Variants in HPS5 observed in about 807,000 individuals in gnomAD.
HPS5 encodes BLOC-2 complex member HPS5.
HPS5 carries 83 observed loss-of-function variants against 128.0 expected under a neutral mutation model. The observed-to-expected ratio is 0.65, with a 90% CI of 0.54 to 0.78. The LOEUF is 0.78. Ranked by LOEUF, HPS5 falls within the 30% of genes least tolerant of loss-of-function variation. HPS5 has a pLI of 0.00. For missense variants in HPS5, 1,281 were observed against 1,326.2 expected (o/e 0.97, Z 0.53); for synonymous variants, 475 against 470.2 (o/e 1.01, Z -0.13).
intron 2 of HPS5, among the ~76,000 whole-genome samples, chr11:18,315,164 C>G (rs549049901): frequency 2.6e-4 from 40 of 152,314 alleles, no homozygotes; most frequent in Admixed American, 7.2e-4. Context: ...TGGGGCTCAG[C>G]AACCAATACC....
chr11:18,291,104 GC>G (rs1860348741), intron 16 of HPS5, among the ~76,000 whole-genome samples: 1 of 152,154 alleles, frequency 6.6e-6, no homozygotes, highest in African/African-American at 2.4e-5. Context: ...TGCAGTCCCA[GC>G]TACTTGGGAG....
Position 18,299,180 on chromosome 11 carries a change from A to T in HPS5, c.986-210T>A, listed in dbSNP as rs538084183. Reference sequence around the variant, plus strand: ...TCAAGAATAAAAGATGTGAAGAAAGAACTATATCTCTCTGACCTAAAGTCT... The same window carrying T: ...TCAAGAATAAAAGATGTGAAGAAAGTACTATATCTCTCTGACCTAAAGTCT... On this transcript the variant is annotated intron_variant, in intron 9 of 22. Transcript: ENST00000349215. Among the ~76,000 whole-genome samples the T allele has an allele frequency of 3.3e-5, 5 of 152,350 alleles. No individual in the cohort carries two copies. In the South Asian group the frequency reaches 1.0e-3, roughly 32 times the overall value.
At chr11:18,311,657 C>T (rs1216404251) in intron 3 of HPS5, 10 of 552,058 alleles carry the variant, frequency 1.8e-5, no homozygotes, top group Non-Finnish European at 3.2e-5. Context: ...ATTACAGGCA[C>T]TCACCACCAC....
chr11:18,321,306 C>T (rs1231468980), intron 1 of HPS5, among the ~76,000 whole-genome samples: 2 of 152,084 alleles, frequency 1.3e-5, no homozygotes, highest in Non-Finnish European at 2.9e-5. Context: ...CTTTTTCATT[C>T]CATAAACTTG....
At chr11:18,313,843 A>G (rs7129995) in intron 2 of HPS5, among the ~76,000 whole-genome samples, 109,336 of 150,338 alleles carry the variant, frequency 0.73, 40,141 homozygotes, top group East Asian at 0.97. Context: ...GAACCCAGGA[A>G]GTGGAGGTTG....
chr11:18,311,792 T>G, intron 3 of HPS5, 122 bp downstream of exon 3: 25 of 825,282 alleles, frequency 3.0e-5, no homozygotes, highest in Non-Finnish European at 5.0e-5. Context: ...ATTACAGGCG[T>G]GAGACACCGC....
chr11:18,294,699 A>G (rs892610556), intron 14 of HPS5, among the ~76,000 whole-genome samples: 4 of 152,208 alleles, frequency 2.6e-5, no homozygotes, highest in Admixed American at 6.5e-5. Context: ...ATGCAGACAT[A>G]CATGTGCCTT....
At chr11:18,288,220 G>A (rs1475823414) in intron 16 of HPS5, among the ~76,000 whole-genome samples, 2 of 152,132 alleles carry the variant, frequency 1.3e-5, no homozygotes, top group African/African-American at 2.4e-5. Flanking sequence ...ATCTAATTGG[G>A]AGGCAAAGCA....
chr11:18,291,809 T>C lies in HPS5; in HGVS notation c.2073A>G (p.Glu691=). ...CTTCATTGCCTAAAGAGTCCCTTTT[T>C]TCTTTTTCATTATCTTCATCTAATA... ...KGILDEDNEK[E]KRDSLGNEES... Residue 691 remains glutamate, a synonymous_variant, in exon 16 of 23, where the codon GAA becomes GAG. Coordinates refer to ENST00000349215, the MANE Select transcript of HPS5 (RefSeq NM_181507.2). 2 of 1,613,434 alleles carry C rather than the reference T, an allele frequency of 1.2e-6. No homozygotes were observed. Among genetic ancestry groups the C allele is most frequent in the Non-Finnish European group, 1.7e-6 (2 of 1,179,706 alleles).
In HPS5 at chr11:18,293,107, C is replaced by A. The variant is rs1005966927; in HGVS notation, c.1785-131G>T. 1.9e-5 allele frequency: 14 copies of A among 738,812 alleles called. No individual in the cohort carries two copies. In the Admixed American group the frequency reaches 2.5e-4, roughly 13 times the overall value. 45.8% of individuals were successfully genotyped at this position (738,812 alleles called of 1,614,324 possible). The stretch of plus-strand genomic sequence containing the variant: ...CGTGATCTCGGTTCATTGCAACCTC[C>A]GCCTCCCGGGTTCAAGCAATTCTCC... On this transcript the variant is annotated intron_variant, in intron 14 of 22. Transcript: ENST00000349215.
intron 21 of HPS5, among the ~76,000 whole-genome samples, chr11:18,283,188 G>C (rs191604107): frequency 1.4e-4 from 22 of 152,056 alleles, no homozygotes; most frequent in Admixed American, 1.0e-3. Context: ...TTTTAGTAGA[G>C]ATGGGGTTTC....
At position 18,283,873 on chromosome 11, in the gene HPS5, A is replaced by G. The variant is rs1373006181; in HGVS notation, c.2980T>C (p.Leu994=). Residue 994 remains leucine (L), a synonymous_variant, in exon 21 of 23, where the codon TTG becomes CTG. Coordinates refer to ENST00000349215, the MANE Select transcript of HPS5 (RefSeq NM_181507.2). The stretch of plus-strand genomic sequence containing the variant: ...GCCTCTCTTCTTCTCTCCAGCTCCA[A>G]ACAGAGAATTAGATATCCAGGCCAG... The part of the protein sequence containing the change: ...GFWPGYLILC[L]ELERRREAFT... 1.2e-6 allele frequency: 2 copies of G among 1,613,152 alleles called. No individual in the cohort carries two copies. Among genetic ancestry groups the G allele is most frequent in the Non-Finnish European group, 1.7e-6 (2 of 1,179,436 alleles).
Position 18,291,863 on chromosome 11 carries a change from C to G in HPS5, c.2019G>C (p.Val673=). 1 of 1,608,780 alleles carries G rather than the reference C, an allele frequency of 6.2e-7. No individual in the cohort carries two copies. The highest frequency in any genetic ancestry group is 8.5e-7 in the Non-Finnish European group (1 of 1,177,266). The change falls in exon 16 of 23, where the codon GTG becomes GTC. Residue 673 remains valine (V), a synonymous_variant. Coordinates refer to ENST00000349215, the MANE Select transcript of HPS5 (RefSeq NM_181507.2). ...CCTTTTTTGATTCATTAACTAATAGCACATCCTGGTTCAATTTCATGGATG... is the reference window on the plus strand; with the variant it reads ...CCTTTTTTGATTCATTAACTAATAGGACATCCTGGTTCAATTTCATGGATG... The part of the protein sequence containing the change: ...DNSSMKLNQD[V]LLVNESKKGI...
intron 9 of HPS5, among the ~76,000 whole-genome samples, chr11:18,299,565 T>C (rs953577043): frequency 6.6e-6 from 1 of 152,202 alleles, no homozygotes; most frequent in Admixed American, 6.5e-5. Flanking sequence ...CATAACACTC[T>C]CTACTGAGCA....
At chr11:18,315,818 C>T (rs1863559631) in intron 2 of HPS5, among the ~76,000 whole-genome samples, 1 of 152,174 alleles carries the variant, frequency 6.6e-6, no homozygotes, top group African/African-American at 2.4e-5. Context: ...ATTTTACCTG[C>T]ATAAGTCAGA....
intron 8 of HPS5, among the ~76,000 whole-genome samples, chr11:18,302,065 C>G (rs537633046): frequency 1.3e-5 from 2 of 152,054 alleles, no homozygotes; most frequent in East Asian, 3.9e-4. Flanking sequence ...TTCATCACTT[C>G]CCATTTTCTT....
intron 16 of HPS5, among the ~76,000 whole-genome samples, chr11:18,291,203 T>C (rs1860362947): frequency 6.6e-6 from 1 of 152,098 alleles, no homozygotes; most frequent in African/African-American, 2.4e-5. Flanking sequence ...AATGAAACTC[T>C]GTCTCAAAAA....
intron 21 of HPS5, 82 bp from the exon 22 acceptor site, chr11:18,282,302 G>A: frequency 6.8e-7 from 1 of 1,477,854 alleles, no homozygotes; most frequent in Non-Finnish European, 9.4e-7. Context: ...CTGTGAAAAT[G>A]TTTAATGCCA....
intron 6 of HPS5, among the ~76,000 whole-genome samples, chr11:18,307,740 A>C (rs890574734): frequency 1.3e-5 from 2 of 151,748 alleles, no homozygotes; most frequent in Non-Finnish European, 2.9e-5. Context: ...AAAAAAAAAA[A>C]CAAAGAAACA....
Sources: allele counts gnomAD v4.1 joint callset (sites outside exome capture counted in the v4.1 genomes callset), GRCh38; gene constraint gnomAD v4.1.1; transcripts MANE v1.5; gene names NCBI Gene and HGNC (gene_info 2026-07-23, HGNC 2026-07-21).